Variants in PARD3 observed in about 807,000 individuals in gnomAD.
The protein encoded by PARD3 is par-3 family cell polarity regulator.
In PARD3, 75 loss-of-function variants were observed where a neutral mutation model predicts 155.4. The observed-to-expected ratio is 0.48, with a 90% CI of 0.40 to 0.58. The LOEUF is 0.58. Among genes scored for constraint, PARD3 ranks in the 20% least tolerant of loss-of-function variants. The probability of loss-of-function intolerance (pLI) is 0.00; values close to 1 mark genes in which losing one functional copy is unlikely to be tolerated. For synonymous variants in PARD3, 576 were observed against 610.5 expected, an observed-to-expected ratio of 0.94 and a Z score of 0.83; for missense variants, 1,642 against 1,721.7, an observed-to-expected ratio of 0.95 and a Z score of 0.82.
At chr10:34,356,857 A>G (rs1015429920) in intron 14 of PARD3, among the ~76,000 whole-genome samples, 4 of 152,242 alleles carry the variant, frequency 2.6e-5, no homozygotes, top group Non-Finnish European at 5.9e-5. Context: ...TTACAAAGAT[A>G]GCACAGCACT....
intron 5 of PARD3, among the ~76,000 whole-genome samples, chr10:34,440,308 A>G (rs1050211851): frequency 6.6e-6 from 1 of 152,206 alleles, no homozygotes; most frequent in African/African-American, 2.4e-5. Context: ...TGGAACATAG[A>G]TGGAACGTAG....
chr10:34,168,710 G>A (rs1466811615), intron 22 of PARD3, among the ~76,000 whole-genome samples: 3 of 152,156 alleles, frequency 2.0e-5, no homozygotes, highest in East Asian at 3.8e-4. Flanking sequence ...TTGCCAATCT[G>A]TGCTCATAAA....
In PARD3 at chr10:34,815,119, C is replaced by G; in HGVS notation, c.-124G>C. On this transcript the variant is annotated 5_prime_UTR_variant, in exon 1 of 25. Coordinates refer to ENST00000374788, the MANE Select transcript of PARD3 (RefSeq NM_001184785.2). ...ACTCGGGCGCGCGGGCGGCTAGGGG[C>G]GCGGGCAGGCGGCGGCGACGCCGGG... 2.6e-6 allele frequency: 1 copy of G among 385,172 alleles called. No homozygotes were observed. The highest frequency in any genetic ancestry group is 3.6e-6 in the Non-Finnish European group (1 of 278,436). 23.9% of individuals were successfully genotyped at this position (385,172 alleles called of 1,614,324 possible). A position where few individuals can be genotyped will look rare whatever the true frequency, so the allele number is the denominator to read the frequency against.
chr10:34,412,746 G>A (rs1420927242), intron 5 of PARD3, among the ~76,000 whole-genome samples: 1 of 152,000 alleles, frequency 6.6e-6, no homozygotes, highest in Non-Finnish European at 1.5e-5. Flanking sequence ...TTAAATCCGG[G>A]ATTCATGATT....
chr10:34,483,299 T>G (rs1392602806), intron 3 of PARD3, among the ~76,000 whole-genome samples: 1 of 152,058 alleles, frequency 6.6e-6, no homozygotes, highest in African/African-American at 2.4e-5. Flanking sequence ...CTAGGCAACA[T>G]AGTGAGACCT....
intron 23 of PARD3, among the ~76,000 whole-genome samples, chr10:34,129,945 T>C (rs1947519210): frequency 6.6e-6 from 1 of 151,012 alleles, no homozygotes; most frequent in African/African-American, 2.4e-5. Context: ...GTTGGGGTGA[T>C]GGTATGAGCC....
intron 1 of PARD3, among the ~76,000 whole-genome samples, chr10:34,706,192 T>A (rs7081764): frequency 0.28 from 42,120 of 152,098 alleles, 7,090 homozygotes; most frequent in Non-Finnish European, 0.38. Context: ...GTGCATTATC[T>A]CATGTGGAAA....
At chr10:34,205,224 A>T (rs555050764) in intron 22 of PARD3, among the ~76,000 whole-genome samples, 21 of 152,144 alleles carry the variant, frequency 1.4e-4, no homozygotes, top group Non-Finnish European at 1.0e-4. Flanking sequence ...GGTCACTGGG[A>T]CTTTCAGGTG....
chr10:34,535,703 T>C (rs2083177141), intron 2 of PARD3, among the ~76,000 whole-genome samples: 2 of 151,926 alleles, frequency 1.3e-5, no homozygotes, highest in South Asian at 4.2e-4. Flanking sequence ...CTTCAACTCC[T>C]GACATCAGGT....
chr10:34,229,648 C>G (rs1952810672), intron 22 of PARD3, among the ~76,000 whole-genome samples: 1 of 136,016 alleles, frequency 7.4e-6, no homozygotes, highest in Non-Finnish European at 1.6e-5. Flanking sequence ...TAATTCTTCT[C>G]TAGTTGAGGG....
At chr10:34,216,509 A>T (rs1952009264) in intron 22 of PARD3, among the ~76,000 whole-genome samples, 3 of 152,190 alleles carry the variant, frequency 2.0e-5, no homozygotes. Flanking sequence ...TATTGTATAC[A>T]GCAATCTGAC....
At chr10:34,167,993 T>A (rs1949613999) in intron 22 of PARD3, among the ~76,000 whole-genome samples, 1 of 152,186 alleles carries the variant, frequency 6.6e-6, no homozygotes, top group Non-Finnish European at 1.5e-5. Flanking sequence ...AAGAGGGTTA[T>A]GTTGAAACAT....
chr10:34,479,166 T>C (rs1009986669), intron 3 of PARD3, among the ~76,000 whole-genome samples: 5 of 150,310 alleles, frequency 3.3e-5, no homozygotes, highest in African/African-American at 9.8e-5. Flanking sequence ...TTTAATTTTT[T>C]TTTTTTTTTT....
intron 22 of PARD3, among the ~76,000 whole-genome samples, chr10:34,246,601 T>C (rs968480594): frequency 1.3e-5 from 2 of 152,114 alleles, no homozygotes; most frequent in African/African-American, 4.8e-5. Context: ...ACGGGCCCTC[T>C]TCAGTCTTTG....
chr10:34,503,424 A>G (rs117410980), intron 3 of PARD3, among the ~76,000 whole-genome samples: 1,980 of 152,328 alleles, frequency 0.013, 9 homozygotes, highest in Middle Eastern at 0.024. Flanking sequence ...CATCTTAAAC[A>G]TGGGATCTAT....
chr10:34,294,986 T>C (rs1048959903), intron 20 of PARD3, among the ~76,000 whole-genome samples: 8 of 151,974 alleles, frequency 5.3e-5, no homozygotes, highest in African/African-American at 1.7e-4. Flanking sequence ...GAGGATCCCT[T>C]AGGACAGGAG....
At chr10:34,335,617 A>G (rs911040456) in intron 18 of PARD3, among the ~76,000 whole-genome samples, 1 of 152,060 alleles carries the variant, frequency 6.6e-6, no homozygotes, top group Admixed American at 6.5e-5. Context: ...AATTTAGAAC[A>G]AGCTCACAAA....
chr10:34,151,401 C>T (rs56660925), intron 22 of PARD3, among the ~76,000 whole-genome samples: 5,694 of 152,128 alleles, frequency 0.037, 370 homozygotes, highest in African/African-American at 0.13. Context: ...ATGTTTGGCA[C>T]TGCAGAGAAG....
At chr10:34,505,043 A>G (rs1322574349) in intron 3 of PARD3, among the ~76,000 whole-genome samples, 1 of 152,200 alleles carries the variant, frequency 6.6e-6, no homozygotes, top group Non-Finnish European at 1.5e-5. Context: ...AAACAAAAAA[A>G]AAGAACTCTT....
Sources: allele counts gnomAD v4.1 joint callset (sites outside exome capture counted in the v4.1 genomes callset), GRCh38; gene constraint gnomAD v4.1.1; transcripts MANE v1.5; gene names NCBI Gene and HGNC (gene_info 2026-07-23, HGNC 2026-07-21).